KLHL13: variants seen among roughly 807,000 people sequenced by gnomAD.
KLHL13 encodes kelch like family member 13.
KLHL13 carries 10 observed loss-of-function variants against 37.1 expected under a neutral mutation model. The observed-to-expected ratio is 0.27, with a 90% CI of 0.17 to 0.46. KLHL13 has a LOEUF of 0.46. KLHL13 is among the 20% of genes least tolerant of loss of function. The pLI, the probability that KLHL13 is intolerant of heterozygous loss-of-function variation, is 1.00. For synonymous variants in KLHL13, 163 were observed against 181.2 expected, an observed-to-expected ratio of 0.90 and a Z score of 0.81; for missense variants, 360 against 509.3, an observed-to-expected ratio of 0.71 and a Z score of 2.82.
chrX:117,932,024 A>G (rs1267659085), intron 2 of KLHL13, among the ~76,000 whole-genome samples: 1 of 111,408 alleles, frequency 9.0e-6, no homozygotes, highest in Non-Finnish European at 1.9e-5. Flanking sequence ...ATTATTTCTT[A>G]TTAAAATTTA....
chrX:117,898,986 A>C (rs765021580), exon 7 of KLHL13: 18 of 1,209,752 alleles, frequency 1.5e-5, no homozygotes, highest in African/African-American at 5.2e-5. Flanking sequence ...GTGTGCAAGC[A>C]CGAATGCCAC....
chrX:117,898,692 C>A (rs150412518), exon 7 of KLHL13: 5 of 378,388 alleles, frequency 1.3e-5, no homozygotes, highest in Non-Finnish European at 4.5e-6. Flanking sequence ...ACATCAGCTT[C>A]TATGGGATAC....
chrX:118,031,379 T>C (rs1017096006), intron 1 of KLHL13, among the ~76,000 whole-genome samples: 1 of 96,594 alleles, frequency 1.0e-5, no homozygotes, highest in Non-Finnish European at 2.0e-5. Flanking sequence ...TGTGATCAAG[T>C]TTATGTGGGA....
Position 118,099,906 on chromosome X carries a change from A to G in KLHL13, c.-56+16602T>C, listed in dbSNP as rs865848185. Among the ~76,000 whole-genome samples, 735 of 91,205 alleles carry G rather than the reference A, an allele frequency of 8.1e-3. 12 individuals carry two copies. Among genetic ancestry groups the G allele is most frequent in the African/African-American group, 0.047 (696 of 14,825 alleles). 79.2% of individuals were successfully genotyped at this position (91,205 alleles called of 115,157 possible). A position where few individuals can be genotyped will look rare whatever the true frequency, so the allele number is the denominator to read the frequency against. On this transcript the variant is annotated intron_variant, in intron 1 of 6. Transcript: ENST00000371882. ...AGGAAGGAAGGAAAGAAGGAAGGAA[A>G]GAAGGAAGGAAGAAAGGAAGGAAGG...
chrX:118,054,324 C>T (rs950958843), intron 1 of KLHL13, among the ~76,000 whole-genome samples: 2 of 111,101 alleles, frequency 1.8e-5, no homozygotes, highest in Non-Finnish European at 3.8e-5. Flanking sequence ...TATCTTAAAA[C>T]AAAAATGCCT....
chrX:118,032,360 A>G (rs1414488767), intron 1 of KLHL13, among the ~76,000 whole-genome samples: 1 of 111,832 alleles, frequency 8.9e-6, no homozygotes, highest in Non-Finnish European at 1.9e-5. Context: ...CTTTGAAGAC[A>G]ACAGTGGTTC....
intron 1 of KLHL13, among the ~76,000 whole-genome samples, chrX:118,003,334 T>C: frequency 9.1e-6 from 1 of 110,442 alleles, no homozygotes; most frequent in East Asian, 2.8e-4. Flanking sequence ...CTGGACAACA[T>C]AGAGATCCTG....
At chrX:117,965,245 A>T in intron 1 of KLHL13, among the ~76,000 whole-genome samples, 1 of 111,513 alleles carries the variant, frequency 9.0e-6, no homozygotes, top group East Asian at 2.8e-4. Flanking sequence ...GCTCTCCAGC[A>T]CCTGTTGTTT....
At chrX:117,969,348 C>T (rs1305188876) in intron 1 of KLHL13, among the ~76,000 whole-genome samples, 1 of 111,912 alleles carries the variant, frequency 8.9e-6, no homozygotes, top group Non-Finnish European at 1.9e-5. Context: ...CTGAAGGAAC[C>T]ATTTGCTGTT....
intron 1 of KLHL13, among the ~76,000 whole-genome samples, chrX:118,081,059 T>C (rs772572628): frequency 2.3e-4 from 26 of 111,192 alleles, no homozygotes; most frequent in Non-Finnish European, 4.5e-4. Flanking sequence ...GAGCTAAACA[T>C]TGAGCACATA....
rs187224910 is a variant in KLHL13 at position 117,996,575 on chromosome X, C to A, written c.-55-51000G>T. On this transcript the variant is annotated intron_variant, in intron 1 of 6. Transcript: ENST00000371882. Reference sequence around the variant, plus strand: ...TATCTATGAAAAGAATGCAGCAATACATTCTTGGGCATGCCTGAACACTGC... The same window carrying A: ...TATCTATGAAAAGAATGCAGCAATAAATTCTTGGGCATGCCTGAACACTGC... 3.9e-3 allele frequency among the ~76,000 whole-genome samples: 437 copies of A among 111,349 alleles called. 1 individual carries two copies. The highest frequency in any genetic ancestry group is 5.3e-3 in the Non-Finnish European group (283 of 52,992).
intron 2 of KLHL13, among the ~76,000 whole-genome samples, chrX:117,937,010 A>T (rs1417033281): frequency 1.8e-5 from 2 of 111,707 alleles, no homozygotes; most frequent in Non-Finnish European, 3.8e-5. Context: ...TTCTCACTAC[A>T]ATTTGGCAGT....
At chrX:118,052,864 T>A (rs2148075484) in intron 1 of KLHL13, among the ~76,000 whole-genome samples, 1 of 109,543 alleles carries the variant, frequency 9.1e-6, no homozygotes, top group Non-Finnish European at 1.9e-5. Flanking sequence ...TAAAGGAGAA[T>A]TTTTTAAAAC....
At chrX:118,076,836 T>C (rs1375803331) in intron 1 of KLHL13, among the ~76,000 whole-genome samples, 3 of 109,510 alleles carry the variant, frequency 2.7e-5, no homozygotes, top group Non-Finnish European at 5.7e-5. Context: ...AAAATCTTTT[T>C]TCTCTTTCTT....
chrX:118,088,775 T>A (rs774022210), intron 1 of KLHL13, among the ~76,000 whole-genome samples: 2 of 111,715 alleles, frequency 1.8e-5, no homozygotes, highest in Non-Finnish European at 3.8e-5. Context: ...ATTTTTTTCC[T>A]TATTTCTCCT....
chrX:118,008,056 G>A (rs187455499), intron 1 of KLHL13, among the ~76,000 whole-genome samples: 251 of 111,558 alleles, frequency 2.2e-3, no homozygotes, highest in African/African-American at 7.6e-3. Flanking sequence ...TTGTCCTTTG[G>A]CTATATATTT....
intron 1 of KLHL13, among the ~76,000 whole-genome samples, chrX:118,011,461 G>A (rs2054067409): frequency 9.3e-6 from 1 of 107,620 alleles, no homozygotes; most frequent in Non-Finnish European, 1.9e-5. Context: ...GAGAAGGGGA[G>A]GGCTAAGACT....
At chrX:118,092,533 C>G (rs2055148998) in intron 1 of KLHL13, among the ~76,000 whole-genome samples, 1 of 111,591 alleles carries the variant, frequency 9.0e-6, no homozygotes, top group Non-Finnish European at 1.9e-5. Flanking sequence ...ACCAGCATAC[C>G]TACCCTATTA....
rs188853769 is a variant in KLHL13, at chrX:118,014,796, A to G, written c.-55-69221T>C. Among the ~76,000 whole-genome samples, 166 of 112,388 alleles carry G rather than the reference A, an allele frequency of 1.5e-3. 2 individuals carry two copies. Among genetic ancestry groups the G allele is most frequent in the African/African-American group, 5.2e-3 (161 of 30,973 alleles). On this transcript the variant is annotated intron_variant, in intron 1 of 6. Coordinates refer to the KLHL13 transcript ENST00000371882. ...TGAAATATTGGGGGCTGATTCCCCC[A>G]ATACCCCCAAAATGGAATTGGCCTA...
Sources: gnomAD v4.1 joint callset for allele counts (sites outside exome capture counted in the v4.1 genomes callset) on GRCh38, gnomAD v4.1.1 for gene constraint, MANE v1.5 for transcripts, NCBI Gene and HGNC (gene_info 2026-07-23, HGNC 2026-07-21) for gene names.